HS6ST2: variants seen among roughly 807,000 people sequenced by gnomAD.
The protein encoded by HS6ST2 is heparan sulfate 6-O-sulfotransferase 2.
HS6ST2 carries 17 observed loss-of-function variants against 33.0 expected under a neutral mutation model. That is an observed-to-expected ratio of 0.52 (90% confidence interval 0.35 to 0.77). HS6ST2 has a LOEUF of 0.77. Ranked by LOEUF, HS6ST2 falls within the 30% of genes least tolerant of loss-of-function variation. The pLI is 0.01. For missense variants in HS6ST2, 519 were observed against 551.7 expected (o/e 0.94, Z 0.59); for synonymous variants, 248 against 237.1 (o/e 1.05, Z -0.42).
intron 2 of HS6ST2, among the ~76,000 whole-genome samples, chrX:132,844,458 A>G (rs2065732895): frequency 9.0e-6 from 1 of 111,634 alleles, no homozygotes; most frequent in Non-Finnish European, 1.9e-5. Context: ...ACTAAATTTA[A>G]TAAAGGTTCT....
intron 2 of HS6ST2, among the ~76,000 whole-genome samples, chrX:132,708,836 A>G (rs950668344): frequency 2.7e-5 from 3 of 112,141 alleles, no homozygotes; most frequent in African/African-American, 9.7e-5. Context: ...AGCCAATAAA[A>G]CAAAACCCAA....
chrX:132,889,592 A>T (rs2066287006), intron 2 of HS6ST2, among the ~76,000 whole-genome samples: 1 of 111,545 alleles, frequency 9.0e-6, no homozygotes, highest in Non-Finnish European at 1.9e-5. Flanking sequence ...GAGTGGATCC[A>T]CATACGAAAG....
rs113230236 is a variant in HS6ST2 at position 132,863,491 on chromosome X, AT to A, written c.947+93316del. ...CACAGTGACACACCCAGCTAACTTA[AT>A]TTTTTTTTTTTTTTTGAGACGGGGT... On this transcript the variant is annotated intron_variant, in intron 2 of 4. Transcript: ENST00000370833. Among the ~76,000 whole-genome samples, 349 of 94,211 alleles carry A rather than the reference AT, an allele frequency of 3.7e-3. 1 individual carries two copies. The highest frequency in any genetic ancestry group is 0.011 in the African/African-American group (283 of 25,193). 81.8% of individuals were successfully genotyped at this position (94,211 alleles called of 115,157 possible).
intron 2 of HS6ST2, among the ~76,000 whole-genome samples, chrX:132,815,981 AATTAT>A (rs1406699819): frequency 4.5e-5 from 5 of 111,790 alleles, no homozygotes; most frequent in Non-Finnish European, 7.5e-5. Flanking sequence ...TAAATGAGTG[AATTAT>A]ATGGTGTATT....
chrX:132,921,895 C>T (rs934699335), intron 2 of HS6ST2, among the ~76,000 whole-genome samples: 25 of 111,963 alleles, frequency 2.2e-4, no homozygotes, highest in Non-Finnish European at 2.1e-4. Context: ...ATGGCTTAAT[C>T]GGGACCCCTG....
chrX:132,823,583 C>T (rs1353568249), intron 2 of HS6ST2, among the ~76,000 whole-genome samples: 1 of 108,037 alleles, frequency 9.3e-6, no homozygotes, highest in African/African-American at 3.4e-5. Context: ...AGGCCAGGCA[C>T]GATGGCTCAT....
At chrX:132,908,297 C>A (rs1355797914) in intron 2 of HS6ST2, among the ~76,000 whole-genome samples, 1 of 112,069 alleles carries the variant, frequency 8.9e-6, no homozygotes, top group Non-Finnish European at 1.9e-5. Context: ...AACTGAAACC[C>A]TCATACATTG....
intron 2 of HS6ST2, among the ~76,000 whole-genome samples, chrX:132,815,290 T>C (rs922740647): frequency 1.8e-5 from 2 of 112,326 alleles, no homozygotes; most frequent in Non-Finnish European, 3.7e-5. Context: ...ATTTTATGTA[T>C]CGATTATTCT....
intron 2 of HS6ST2, among the ~76,000 whole-genome samples, chrX:132,945,397 A>G (rs1432959979): frequency 8.9e-6 from 1 of 111,733 alleles, no homozygotes; most frequent in African/African-American, 3.3e-5. Context: ...ACACTTTTAC[A>G]CTGTTGCTGG....
chrX:132,835,877 C>T (rs935601742), intron 2 of HS6ST2, among the ~76,000 whole-genome samples: 2 of 111,830 alleles, frequency 1.8e-5, no homozygotes, highest in African/African-American at 6.5e-5. Context: ...GATTGCGACA[C>T]TGCACTCCAG....
At chrX:132,944,283 G>A (rs1478749325) in intron 2 of HS6ST2, among the ~76,000 whole-genome samples, 2 of 111,166 alleles carry the variant, frequency 1.8e-5, no homozygotes, top group Non-Finnish European at 1.9e-5. Flanking sequence ...AAATACCTAG[G>A]AATCCAACTT....
chrX:132,772,901 T>C (rs1243992369), intron 2 of HS6ST2, among the ~76,000 whole-genome samples: 1 of 89,813 alleles, frequency 1.1e-5, no homozygotes, highest in Non-Finnish European at 2.0e-5. Context: ...TTATGTAATA[T>C]AAAATATAAT....
intron 2 of HS6ST2, among the ~76,000 whole-genome samples, chrX:132,892,376 T>C (rs964315143): frequency 1.8e-5 from 2 of 112,128 alleles, no homozygotes; most frequent in Non-Finnish European, 3.8e-5. Flanking sequence ...AATCAAGGCC[T>C]CATGCCAGAG....
At chrX:132,631,616 A>G (rs911865857) in intron 4 of HS6ST2, among the ~76,000 whole-genome samples, 3 of 110,716 alleles carry the variant, frequency 2.7e-5, no homozygotes, top group African/African-American at 9.9e-5. Flanking sequence ...AAAAAAAAAA[A>G]AAGAAATTTA....
At chrX:132,799,140 G>A (rs2065212214) in intron 2 of HS6ST2, among the ~76,000 whole-genome samples, 2 of 111,013 alleles carry the variant, frequency 1.8e-5, no homozygotes, top group Non-Finnish European at 3.8e-5. Context: ...GGCTTTAGAA[G>A]TCCTTTCAGA....
chrX:132,732,531 C>T (rs769188786), intron 2 of HS6ST2, among the ~76,000 whole-genome samples: 11 of 111,475 alleles, frequency 9.9e-5, no homozygotes, highest in Non-Finnish European at 1.5e-4. Context: ...TTGTCAAAGG[C>T]GAGGCCAGGT....
At chrX:132,903,202 CGCTAG>C (rs2066441294) in intron 2 of HS6ST2, among the ~76,000 whole-genome samples, 1 of 111,069 alleles carries the variant, frequency 9.0e-6, no homozygotes, top group Admixed American at 9.6e-5. Flanking sequence ...ACAATAGCAT[CGCTAG>C]AAATTAAATA....
At chrX:132,789,559 CT>C (rs1007237344) in intron 2 of HS6ST2, among the ~76,000 whole-genome samples, 10 of 112,023 alleles carry the variant, frequency 8.9e-5, no homozygotes, top group Non-Finnish European at 1.9e-4. Context: ...ATAATTTCAA[CT>C]TTCAAGTCTT....
intron 2 of HS6ST2, among the ~76,000 whole-genome samples, chrX:132,896,242 G>A (rs923245127): frequency 9.9e-5 from 11 of 110,676 alleles, no homozygotes; most frequent in Non-Finnish European, 1.5e-4. Context: ...AGGCGGAGGC[G>A]GGTGGATCAC....
Sources: gnomAD v4.1 joint callset for allele counts (sites outside exome capture counted in the v4.1 genomes callset) on GRCh38, gnomAD v4.1.1 for gene constraint, MANE v1.5 for transcripts, NCBI Gene and HGNC (gene_info 2026-07-23, HGNC 2026-07-21) for gene names.